Variants in INTS6 observed in about 807,000 individuals in gnomAD.
INTS6 encodes DEAD box protein.
Under a neutral mutation model 104.9 loss-of-function variants are expected in INTS6, and 16 were observed. That is an observed-to-expected ratio of 0.15 (90% CI 0.10 to 0.23). The LOEUF is 0.23. Ranked by LOEUF, INTS6 falls within the 10% of genes least tolerant of loss-of-function variation. The pLI is 1.00. For missense variants in INTS6, 584 were observed against 1,062.8 expected (o/e 0.55, Z 6.26); for synonymous variants, 324 against 358.7 (o/e 0.90, Z 1.09).
At chr13:51,395,809 T>C (rs1309427885) in intron 4 of INTS6, among the ~76,000 whole-genome samples, 2 of 152,162 alleles carry the variant, frequency 1.3e-5, no homozygotes, top group Admixed American at 6.5e-5. Flanking sequence ...GTGATAGATA[T>C]GTTATTTTTC....
intron 7 of INTS6, among the ~76,000 whole-genome samples, chr13:51,385,608 G>T (rs939542446): frequency 1.3e-5 from 2 of 152,164 alleles, no homozygotes; most frequent in African/African-American, 4.8e-5. Context: ...GCTTACAAAA[G>T]ATAACCAAAG....
At chr13:51,392,144 A>G (rs571655046) in intron 5 of INTS6, among the ~76,000 whole-genome samples, 1 of 152,318 alleles carries the variant, frequency 6.6e-6, no homozygotes, top group Non-Finnish European at 1.5e-5. Flanking sequence ...TTGCCACTCT[A>G]TATTCTCATC....
intron 13 of INTS6, among the ~76,000 whole-genome samples, chr13:51,375,136 C>T (rs1955892504): frequency 6.6e-6 from 1 of 151,848 alleles, no homozygotes; most frequent in African/African-American, 2.4e-5. Flanking sequence ...ATCCGGATCA[C>T]TTGAGGTAAG....
At chr13:51,341,187 G>A in the INTS6 span, 1 of 1,614,052 alleles carries the variant, frequency 6.2e-7, no homozygotes, top group South Asian at 1.1e-5. Context: ...TGAAGACTGA[G>A]TTTGCACTTC....
intron 17 of INTS6, among the ~76,000 whole-genome samples, chr13:51,366,426 AT>A (rs1955691107): frequency 6.6e-6 from 1 of 152,010 alleles, no homozygotes; most frequent in Non-Finnish European, 1.5e-5. Flanking sequence ...ACTTTTAAAG[AT>A]TTTCAGTAAC....
chr13:51,355,791 A>T (rs961993102), intron 3 of INTS6, among the ~76,000 whole-genome samples: 1 of 149,658 alleles, frequency 6.7e-6, no homozygotes, highest in African/African-American at 2.6e-5. Context: ...CCTATGTTCT[A>T]CAATCCTCTC....
In INTS6 at chr13:51,452,454, G is replaced by A; in HGVS notation, c.72C>T (p.Tyr24=). The A allele has an allele frequency of 1.2e-6, 2 of 1,612,208 alleles. No individual in the cohort carries two copies. Among genetic ancestry groups the A allele is most frequent in the South Asian group, 1.1e-5 (1 of 91,054 alleles). Reference sequence around the variant, plus strand: ...CTACCGCGCCTTTGGCCGTGTCCAGGTAGGTGGTGCCCAGATGGCTGCGCT... The same window carrying A: ...CTACCGCGCCTTTGGCCGTGTCCAGATAGGTGGTGCCCAGATGGCTGCGCT... ...MNQRSHLGTT[Y]LDTAKGAVET... The change falls in exon 1 of 18, where the codon TAC becomes TAT. Residue 24 remains tyrosine, a synonymous_variant. Coordinates refer to ENST00000311234, the MANE Select transcript of INTS6 (RefSeq NM_012141.3). This position sits in a 1 kb window ranked among gnomAD's most constrained non-coding sequence, Gnocchi z 4.2.
chr13:51,379,629 C>T, intron 10 of INTS6, 57 bp from the exon 11 acceptor site: 1 of 940,522 alleles, frequency 1.1e-6, no homozygotes, highest in Non-Finnish European at 1.6e-6. Context: ...CTTATGGTTC[C>T]ATGTATAGTC....
intron 4 of INTS6, among the ~76,000 whole-genome samples, chr13:51,395,955 G>A (rs1260280820): frequency 6.6e-6 from 1 of 151,902 alleles, no homozygotes; most frequent in African/African-American, 2.4e-5. Context: ...GCAACACCAC[G>A]CCCAGCTAAT....
intron 4 of INTS6, among the ~76,000 whole-genome samples, chr13:51,405,310 G>A (rs1477755661): frequency 3.3e-5 from 5 of 152,102 alleles, no homozygotes; most frequent in Admixed American, 3.3e-4. Context: ...TTAATATAGG[G>A]AGATAGAGAA....
chr13:51,424,944 T>C (rs1197520914), intron 4 of INTS6, among the ~76,000 whole-genome samples: 1 of 152,030 alleles, frequency 6.6e-6, no homozygotes, highest in African/African-American at 2.4e-5. Flanking sequence ...AAATATATAT[T>C]TAAAAGTATA....
chr13:51,365,921 G>T, intron 17 of INTS6, 76 bp from the exon 18 acceptor site: 1 of 785,050 alleles, frequency 1.3e-6, no homozygotes, highest in Non-Finnish European at 1.9e-6. Context: ...TTTTAAGAAA[G>T]GAGAGAAAAT....
chr13:51,408,931 T>C (rs1593722707), intron 4 of INTS6, among the ~76,000 whole-genome samples: 1 of 152,198 alleles, frequency 6.6e-6, no homozygotes, highest in Non-Finnish European at 1.5e-5. Context: ...TAAATGTGCA[T>C]AAAAATTTTT....
Position 51,364,231 on chromosome 13 carries a change from C to T in INTS6, c.*1521G>A. 7.1e-7 allele frequency: 1 copy of T among 1,408,260 alleles called. No individual in the cohort carries two copies. Among genetic ancestry groups the T allele is most frequent in the Non-Finnish European group, 9.6e-7 (1 of 1,046,348 alleles). The allele number at this position is 1,408,260 out of a possible 1,614,324, so 87.2% of individuals were successfully genotyped here. A position where few individuals can be genotyped will look rare whatever the true frequency, so the allele number is the denominator to read the frequency against. On this transcript the variant is annotated 3_prime_UTR_variant, in exon 18 of 18. Coordinates refer to ENST00000311234, the MANE Select transcript of INTS6 (RefSeq NM_012141.3). ...TATATAATATTAAATTCTTCTTTTTCTTGACAGGGTTTGTCTTCAGTATTG... is the reference window on the plus strand; with the variant it reads ...TATATAATATTAAATTCTTCTTTTTTTTGACAGGGTTTGTCTTCAGTATTG...
intron 4 of INTS6, among the ~76,000 whole-genome samples, chr13:51,398,446 C>T (rs1555286644): frequency 6.6e-6 from 1 of 151,972 alleles, no homozygotes; most frequent in Non-Finnish European, 1.5e-5. Flanking sequence ...GACCTATAAA[C>T]ATGTAGGAAG....
chr13:51,452,711 C>G lies in INTS6; in HGVS notation c.-186G>C. On this transcript the variant is annotated 5_prime_UTR_variant, in exon 1 of 18. Coordinates refer to ENST00000311234, the MANE Select transcript of INTS6 (RefSeq NM_012141.3). The surrounding 1 kb of genome is among the most constrained non-coding windows in gnomAD (Gnocchi z 4.2). ...CCCCCGATAGTTGAGAGGAAACTCC[C>G]CAGACCCAGTGCTCCCCGTCGTACC... 1 of 1,323,582 alleles carries G rather than the reference C, an allele frequency of 7.6e-7. No individual in the cohort carries two copies. Among genetic ancestry groups the G allele is most frequent in the Non-Finnish European group, 9.7e-7 (1 of 1,035,636 alleles). The allele number at this position is 1,323,582 out of a possible 1,614,324, so 82.0% of individuals were successfully genotyped here. A position where few individuals can be genotyped will look rare whatever the true frequency, so the allele number is the denominator to read the frequency against.
the INTS6 span, chr13:51,348,328 C>T: frequency 3.1e-6 from 5 of 1,613,922 alleles, no homozygotes; most frequent in South Asian, 5.5e-5. Flanking sequence ...CCCTGAGCCA[C>T]ATCGAGCCAC....
At chr13:51,397,809 C>T (rs1208361772) in intron 4 of INTS6, among the ~76,000 whole-genome samples, 3 of 151,042 alleles carry the variant, frequency 2.0e-5, no homozygotes, top group African/African-American at 7.4e-5. Flanking sequence ...ACAGGCACTG[C>T]GCGGACCACA....
chr13:51,379,367 A>G, intron 11 of INTS6, 95 bp downstream of exon 11: 1 of 539,590 alleles, frequency 1.9e-6, no homozygotes, highest in South Asian at 3.8e-5. Context: ...ATGGAATTCC[A>G]TTAGAACCAT....
Sources: allele counts gnomAD v4.1 joint callset (sites outside exome capture counted in the v4.1 genomes callset), GRCh38; gene constraint gnomAD v4.1.1; non-coding constraint Gnocchi (gnomAD v3.1); transcripts MANE v1.5; gene names NCBI Gene and HGNC (gene_info 2026-07-23, HGNC 2026-07-21).